The following SMOC1 variants were observed in gnomAD, a reference collection of about 807,000 sequenced individuals.
The protein encoded by SMOC1 is SPARC-related modular calcium-binding protein 1.
Under a neutral mutation model 56.3 loss-of-function variants are expected in SMOC1, and 22 were observed. That is an observed-to-expected ratio of 0.39 (90% CI 0.28 to 0.56). SMOC1 has a LOEUF of 0.56. Ranked by LOEUF, SMOC1 falls within the 20% of genes least tolerant of loss-of-function variation. The pLI is 0.61. For synonymous variants in SMOC1, 193 were observed against 215.0 expected, an observed-to-expected ratio of 0.90 and a Z score of 0.89; for missense variants, 509 against 565.4, an observed-to-expected ratio of 0.90 and a Z score of 1.01.
intron 8 of SMOC1, among the ~76,000 whole-genome samples, 173 bp from the exon 9 acceptor site, chr14:70,011,312 G>C (rs1052042850): frequency 6.6e-6 from 1 of 152,164 alleles, no homozygotes; most frequent in Non-Finnish European, 1.5e-5. Context: ...GTCTCAGTGG[G>C]AACATTGATG....
chr14:69,889,070 A>C lies in SMOC1; in HGVS notation c.99+9293A>C, dbSNP rs889812972. 2.0e-5 allele frequency among the ~76,000 whole-genome samples: 3 copies of C among 152,230 alleles called. No individual in the cohort carries two copies. The East Asian group carries it at 5.8e-4, about 29-fold the overall frequency. On this transcript the variant is annotated intron_variant, in intron 1 of 11. Coordinates refer to ENST00000361956, the MANE Select transcript of SMOC1 (RefSeq NM_001034852.3). ...GCTATTGAATATTTGAAATGTGGTTAGTACACTGAGGACCTGAATTTTAAA... is the reference window on the plus strand; with the variant it reads ...GCTATTGAATATTTGAAATGTGGTTCGTACACTGAGGACCTGAATTTTAAA...
rs367678734 is a variant in SMOC1, at chr14:69,917,619, T to C, written c.100-34519T>C. Among the ~76,000 whole-genome samples, 15 of 152,330 alleles carry C rather than the reference T, an allele frequency of 9.8e-5. 2 individuals are homozygous for C. Among genetic ancestry groups the C allele is most frequent in the Admixed American group, 3.9e-4 (6 of 15,302 alleles). The stretch of plus-strand genomic sequence containing the variant: ...GTGTGTGCTGGCGGTCTTCAGCGGG[T>C]TACACTTCGGATGGTAACACATCGG... On this transcript the variant is annotated intron_variant, in intron 1 of 11. Coordinates refer to ENST00000361956, the MANE Select transcript of SMOC1 (RefSeq NM_001034852.3).
intron 1 of SMOC1, among the ~76,000 whole-genome samples, chr14:69,913,344 A>G (rs374085170): frequency 1.1e-3 from 170 of 152,308 alleles, no homozygotes; most frequent in African/African-American, 3.7e-3. Flanking sequence ...TCCTAGGAAG[A>G]CAAAATAAGC....
intron 1 of SMOC1, among the ~76,000 whole-genome samples, chr14:69,937,577 C>T (rs935826686): frequency 6.6e-6 from 1 of 152,202 alleles, no homozygotes; most frequent in African/African-American, 2.4e-5. Context: ...TGTGCGAAGT[C>T]AGACGTGAGC....
intron 8 of SMOC1, 102 bp from the exon 9 acceptor site, chr14:70,011,382 GC>G (rs1375066655): frequency 1.8e-6 from 2 of 1,134,342 alleles, no homozygotes; most frequent in Non-Finnish European, 2.7e-6. Context: ...CACCCTCAGT[GC>G]TTTAGGCTTG....
chr14:69,906,503 C>T (rs894397211), intron 1 of SMOC1, among the ~76,000 whole-genome samples: 6 of 152,216 alleles, frequency 3.9e-5, no homozygotes, highest in African/African-American at 9.7e-5. Flanking sequence ...AAATTCAACC[C>T]TAGCCTTTGA....
intron 1 of SMOC1, chr14:69,886,230 C>T (rs1329858070): frequency 1.5e-6 from 1 of 678,914 alleles, no homozygotes; most frequent in Non-Finnish European, 2.5e-6. Context: ...CTGCAGTGAG[C>T]ATCTTAATAT....
intron 8 of SMOC1, 81 bp from the exon 9 acceptor site, chr14:70,011,404 A>G (rs913166960): frequency 5.3e-6 from 7 of 1,327,532 alleles, no homozygotes; most frequent in Middle Eastern, 1.8e-4. Context: ...GTGACAACAT[A>G]GATCATTGCT....
chr14:69,984,216 A>C (rs1457139631), intron 5 of SMOC1, among the ~76,000 whole-genome samples: 1 of 152,238 alleles, frequency 6.6e-6, no homozygotes, highest in East Asian at 1.9e-4. Flanking sequence ...GACCAAACAA[A>C]TAAAATTAAC....
chr14:69,942,860 G>A (rs940383717), intron 1 of SMOC1, among the ~76,000 whole-genome samples: 21 of 152,312 alleles, frequency 1.4e-4, no homozygotes, highest in Admixed American at 9.8e-4. Flanking sequence ...CCCCGTTTGC[G>A]TTCTTATTAG....
intron 3 of SMOC1, among the ~76,000 whole-genome samples, chr14:69,959,537 G>A (rs1473351018): frequency 6.6e-6 from 1 of 152,064 alleles, no homozygotes; most frequent in Admixed American, 6.5e-5. Context: ...TTTGAGCTCC[G>A]TGGTCCAGGA....
chr14:70,000,404 T>C (rs1296642907), intron 7 of SMOC1, among the ~76,000 whole-genome samples: 1 of 152,168 alleles, frequency 6.6e-6, no homozygotes, highest in African/African-American at 2.4e-5. Context: ...TTAAAGCCAA[T>C]GAAGTTACTG....
chr14:69,955,378 G>A (rs989647649), intron 3 of SMOC1, among the ~76,000 whole-genome samples: 1 of 152,026 alleles, frequency 6.6e-6, no homozygotes, highest in Non-Finnish European at 1.5e-5. Context: ...GCTTCTCTGG[G>A]GTCAGAATTT....
intron 10 of SMOC1, among the ~76,000 whole-genome samples, chr14:70,021,056 A>G (rs1885704420): frequency 6.6e-6 from 1 of 152,134 alleles, no homozygotes; most frequent in South Asian, 2.1e-4. Flanking sequence ...CTCTAGGTAG[A>G]CATTACGCTA....
At chr14:69,911,982 G>T (rs181080806) in intron 1 of SMOC1, among the ~76,000 whole-genome samples, 97 of 152,196 alleles carry the variant, frequency 6.4e-4, no homozygotes, top group Admixed American at 4.6e-3. Flanking sequence ...CATGTATGAG[G>T]GGTCTAGTTG....
chr14:70,007,637 G>A (rs1285451119), intron 7 of SMOC1, among the ~76,000 whole-genome samples: 2 of 152,218 alleles, frequency 1.3e-5, no homozygotes, highest in African/African-American at 2.4e-5. Context: ...CTAGAGGTTA[G>A]CAAGTCAAGC....
intron 1 of SMOC1, among the ~76,000 whole-genome samples, chr14:69,905,069 GATGGTGGTCAGA>G (rs1884370618): frequency 6.6e-6 from 1 of 152,178 alleles, no homozygotes; most frequent in African/African-American, 2.4e-5. Flanking sequence ...CTCATATCGT[GATGGTGGTCAGA>G]ATGGTGATGA....
chr14:69,983,943 CAGAA>C (rs1434217175), intron 5 of SMOC1, among the ~76,000 whole-genome samples: 2 of 152,198 alleles, frequency 1.3e-5, no homozygotes, highest in Non-Finnish European at 2.9e-5. Flanking sequence ...CCTGTGCTTG[CAGAA>C]AGAAAGATGT....
intron 1 of SMOC1, among the ~76,000 whole-genome samples, chr14:69,931,647 G>T (rs1885168746): frequency 6.6e-6 from 1 of 152,262 alleles, no homozygotes; most frequent in Admixed American, 6.5e-5. Context: ...AGAGCCATTA[G>T]ATGTTTAGAA....
Sources: allele counts gnomAD v4.1 joint callset (sites outside exome capture counted in the v4.1 genomes callset), GRCh38; gene constraint gnomAD v4.1.1; transcripts MANE v1.5; gene names NCBI Gene and HGNC (gene_info 2026-07-23, HGNC 2026-07-21).